ACYP2: variants seen among roughly 807,000 people sequenced by gnomAD.
The protein encoded by ACYP2 is acylphosphatase-2.
ACYP2 carries 12 observed loss-of-function variants against 11.2 expected under a neutral mutation model. The ratio of observed to expected loss-of-function variants is 1.08; its 90% confidence interval spans 0.69 to 1.74. ACYP2 has a LOEUF of 1.74. Among genes scored for constraint, ACYP2 ranks in the 40% most tolerant of loss-of-function variants. The pLI is 0.00. For synonymous variants in ACYP2, 43 were observed against 32.2 expected (o/e 1.33, Z -1.13); for missense variants, 134 against 101.9 (o/e 1.31, Z -1.35).
Position 54,175,009 on chromosome 2 carries a change from G to A in ACYP2, c.404+36261G>A, listed in dbSNP as rs1321699453. Among the ~76,000 whole-genome samples, 3 of 152,150 alleles carry A rather than the reference G, an allele frequency of 2.0e-5. No homozygotes were observed. In the East Asian group the frequency reaches 5.8e-4, roughly 29 times the overall value. On this transcript the variant is annotated intron_variant, in intron 6 of 6. Transcript: ENST00000607452. The stretch of plus-strand genomic sequence containing the variant: ...AATTCTCTTTTTTTGTTGTGTCTCT[G>A]CCAGGCTTTGGTATCAGGATGATGC...
At chr2:54,257,145 G>A (rs1336665802) in intron 6 of ACYP2, among the ~76,000 whole-genome samples, 3 of 152,070 alleles carry the variant, frequency 2.0e-5, no homozygotes, top group African/African-American at 4.8e-5. Flanking sequence ...AGGCGGAGAC[G>A]GGAGGATCAG....
At chr2:54,225,413 A>G (rs1685972343) in intron 6 of ACYP2, among the ~76,000 whole-genome samples, 1 of 152,230 alleles carries the variant, frequency 6.6e-6, no homozygotes, top group Non-Finnish European at 1.5e-5. Context: ...AAATTTGGTT[A>G]ATTACAAAAT....
intron 6 of ACYP2, among the ~76,000 whole-genome samples, chr2:54,238,888 C>T (rs1190577470): frequency 6.6e-6 from 1 of 151,300 alleles, no homozygotes; most frequent in Non-Finnish European, 1.5e-5. Context: ...AAAAAATAGG[C>T]CAGGCAGCTG....
At chr2:54,212,524 T>C (rs1165803117) in intron 6 of ACYP2, among the ~76,000 whole-genome samples, 1 of 152,196 alleles carries the variant, frequency 6.6e-6, no homozygotes. Flanking sequence ...TTCCAGGCTT[T>C]ATTATCTGCT....
At chr2:53,996,090 T>C (rs1418002007) in intron 2 of ACYP2, among the ~76,000 whole-genome samples, 2 of 151,522 alleles carry the variant, frequency 1.3e-5, no homozygotes, top group South Asian at 2.1e-4. Flanking sequence ...GCCTAGATTG[T>C]GCCACTGCAC....
At chr2:54,029,979 A>T (rs1472828888) in intron 2 of ACYP2, 1 of 251,648 alleles carries the variant, frequency 4.0e-6, no homozygotes, top group East Asian at 9.7e-5. Context: ...ATACAGGGAG[A>T]AGGCCCGAGA....
At chr2:54,260,491 C>G (rs1687729968) in intron 6 of ACYP2, among the ~76,000 whole-genome samples, 1 of 152,072 alleles carries the variant, frequency 6.6e-6, no homozygotes, top group Non-Finnish European at 1.5e-5. Context: ...GGATTTAGAC[C>G]TGAAACAAGA....
intron 6 of ACYP2, among the ~76,000 whole-genome samples, chr2:54,260,003 G>C (rs1687711045): frequency 6.6e-6 from 1 of 152,170 alleles, no homozygotes; most frequent in African/African-American, 2.4e-5. Context: ...ATCCAGTAGG[G>C]AGCATAAAAC....
chr2:54,158,101 C>G (rs1375145638), intron 6 of ACYP2, among the ~76,000 whole-genome samples: 1 of 152,006 alleles, frequency 6.6e-6, no homozygotes, highest in Non-Finnish European at 1.5e-5. Flanking sequence ...TCTCTGTTCG[C>G]TGCAACCTCT....
chr2:54,123,316 C>G, intron 4 of ACYP2: 1 of 398,590 alleles, frequency 2.5e-6, no homozygotes. Flanking sequence ...AGGATCTTCA[C>G]TGCAGTTGTT....
chr2:54,133,778 C>T (rs1681067115), intron 4 of ACYP2, among the ~76,000 whole-genome samples: 1 of 152,112 alleles, frequency 6.6e-6, no homozygotes, highest in Non-Finnish European at 1.5e-5. Context: ...GGTCCCATAC[C>T]ATAAATACAT....
Position 54,221,520 on chromosome 2 carries a change from CT to C in ACYP2, c.404+82791del, listed in dbSNP as rs548466074. On this transcript the variant is annotated intron_variant, in intron 6 of 6. Coordinates refer to ENST00000607452, the MANE Select transcript of ACYP2 (RefSeq NM_001320586.2). ...ATTACAAATTTTATTGAATAAAATT[CT>C]TTTTTTTTTTTTTTTTTTAAACACG... 4.3e-3 allele frequency among the ~76,000 whole-genome samples: 553 copies of C among 127,272 alleles called. 2 individuals are homozygous for C. The highest frequency in any genetic ancestry group is 9.4e-3 in the African/African-American group (317 of 33,806). 83.5% of individuals were successfully genotyped at this position (127,272 alleles called of 152,430 possible). A position where few individuals can be genotyped will look rare whatever the true frequency, so the allele number is the denominator to read the frequency against.
At chr2:54,049,018 T>C (rs947845605) in intron 2 of ACYP2, among the ~76,000 whole-genome samples, 4 of 152,134 alleles carry the variant, frequency 2.6e-5, no homozygotes, top group Admixed American at 2.6e-4. Context: ...CTCACACCTG[T>C]AATTCCAGCA....
intron 4 of ACYP2, among the ~76,000 whole-genome samples, chr2:54,090,512 TCCCA>T (rs1411396351): frequency 6.6e-6 from 1 of 151,936 alleles, no homozygotes; most frequent in African/African-American, 2.4e-5. Context: ...GCGCCTGGAT[TCCCA>T]GCTACTCAGG....
chr2:54,269,439 A>G (rs1273250860), intron 6 of ACYP2, among the ~76,000 whole-genome samples: 3 of 152,276 alleles, frequency 2.0e-5, no homozygotes, highest in Non-Finnish European at 4.4e-5. Flanking sequence ...TGATAAGAAT[A>G]AAGCATCAGG....
At chr2:54,060,660 A>T (rs1363188216) in intron 4 of ACYP2, among the ~76,000 whole-genome samples, 1 of 152,212 alleles carries the variant, frequency 6.6e-6, no homozygotes, top group Non-Finnish European at 1.5e-5. Context: ...TTTTGGTATG[A>T]TAGAATTTTA....
chr2:54,098,960 C>T (rs1176763260), intron 4 of ACYP2, among the ~76,000 whole-genome samples: 1 of 152,110 alleles, frequency 6.6e-6, no homozygotes, highest in Non-Finnish European at 1.5e-5. Flanking sequence ...AACTCCTGAG[C>T]TCAACAGATC....
At chr2:54,268,938 A>G (rs1330876431) in intron 6 of ACYP2, among the ~76,000 whole-genome samples, 1 of 152,220 alleles carries the variant, frequency 6.6e-6, no homozygotes, top group Non-Finnish European at 1.5e-5. Flanking sequence ...CACATTAAGC[A>G]CATTATATGA....
chr2:54,004,479 T>G (rs1672956686), intron 2 of ACYP2, among the ~76,000 whole-genome samples: 1 of 147,710 alleles, frequency 6.8e-6, no homozygotes, highest in Non-Finnish European at 1.5e-5. Flanking sequence ...GGCACGATCT[T>G]GGCTCACTGC....
Sources: allele counts gnomAD v4.1 joint callset (sites outside exome capture counted in the v4.1 genomes callset), GRCh38; gene constraint gnomAD v4.1.1; transcripts MANE v1.5; gene names NCBI Gene and HGNC (gene_info 2026-07-23, HGNC 2026-07-21).